The following AKAIN1 variants were observed in gnomAD, a reference collection of about 807,000 sequenced individuals.
AKAIN1 encodes the protein A-kinase anchor inhibitor 1, also known as A-kinase anchor protein inhibitor 1.
Under a neutral mutation model 3.7 loss-of-function variants are expected in AKAIN1, and 3 were observed. That is an observed-to-expected ratio of 0.82 (90% CI 0.37 to 2.12). The LOEUF (loss-of-function observed/expected upper bound fraction) is 2.12, where lower values mean the gene tolerates loss of function less well. AKAIN1 is among the 30% of genes most tolerant of loss of function. The pLI, the probability that AKAIN1 is intolerant of heterozygous loss-of-function variation, is 0.06. For synonymous variants in AKAIN1, 31 were observed against 30.8 expected (o/e 1.01, Z -0.02); for missense variants, 82 against 82.7 (o/e 0.99, Z 0.03).
In AKAIN1 at chr18:5,144,977, C is replaced by G. The variant is rs968983003; in HGVS notation, c.*585G>C. Among the ~76,000 whole-genome samples, 1 of 152,156 alleles carries G rather than the reference C, an allele frequency of 6.6e-6. No homozygotes were observed. The highest frequency in any genetic ancestry group is 1.5e-5 in the Non-Finnish European group (1 of 68,030). On this transcript the variant is annotated 3_prime_UTR_variant, in exon 2 of 2. Transcript: ENST00000434239. The stretch of plus-strand genomic sequence containing the variant: ...ACTGAGTTCTTGAGAAACTTAAACT[C>G]CTCCCTTTCTTAAAATAACATAAAT...
intron 1 of AKAIN1, among the ~76,000 whole-genome samples, chr18:5,172,668 T>C (rs532753000): frequency 2.6e-5 from 4 of 151,632 alleles, no homozygotes; most frequent in African/African-American, 9.7e-5. Context: ...AAGTTCTATA[T>C]CAGAAAATAG....
chr18:5,178,087 G>T (rs1311931505), intron 1 of AKAIN1, among the ~76,000 whole-genome samples: 1 of 152,012 alleles, frequency 6.6e-6, no homozygotes, highest in Non-Finnish European at 1.5e-5. Flanking sequence ...TGTTGCTCGG[G>T]GTGGCTGCAT....
At chr18:5,182,266 C>T (rs905460516) in intron 1 of AKAIN1, among the ~76,000 whole-genome samples, 1 of 152,098 alleles carries the variant, frequency 6.6e-6, no homozygotes, top group African/African-American at 2.4e-5. Context: ...AACTCTTTAG[C>T]TCCTAACTGA....
At chr18:5,151,263 A>C (rs1427523416) in intron 1 of AKAIN1, among the ~76,000 whole-genome samples, 1 of 152,206 alleles carries the variant, frequency 6.6e-6, no homozygotes. Context: ...GAACACAGAG[A>C]ACAAGAACTA....
intron 1 of AKAIN1, among the ~76,000 whole-genome samples, chr18:5,169,286 T>C (rs2071184427): frequency 6.6e-6 from 1 of 152,122 alleles, no homozygotes; most frequent in African/African-American, 2.4e-5. Flanking sequence ...TAAATGTTAA[T>C]TATATCTTTA....
At chr18:5,163,117 G>A (rs181394096) in intron 1 of AKAIN1, among the ~76,000 whole-genome samples, 4 of 151,970 alleles carry the variant, frequency 2.6e-5, no homozygotes, top group Non-Finnish European at 2.9e-5. Flanking sequence ...CCCACAGACC[G>A]TGAGGAAATT....
At chr18:5,186,727 A>C (rs779378512) in intron 1 of AKAIN1, among the ~76,000 whole-genome samples, 2 of 152,184 alleles carry the variant, frequency 1.3e-5, no homozygotes, top group Non-Finnish European at 2.9e-5. Flanking sequence ...CACCTGAAAG[A>C]GTAAAATATA....
intron 1 of AKAIN1, among the ~76,000 whole-genome samples, chr18:5,148,430 G>T (rs899718168): frequency 6.6e-6 from 1 of 152,196 alleles, no homozygotes; most frequent in African/African-American, 2.4e-5. Context: ...TCTTTTTAAA[G>T]AGTTGTCATA....
intron 1 of AKAIN1, among the ~76,000 whole-genome samples, chr18:5,191,115 T>C (rs554384824): frequency 1.4e-4 from 21 of 152,294 alleles, no homozygotes; most frequent in African/African-American, 4.8e-4. Context: ...TCCCCTAAGA[T>C]TGTAAACAAG....
chr18:5,185,182 T>C (rs576703404), intron 1 of AKAIN1, among the ~76,000 whole-genome samples: 1 of 152,086 alleles, frequency 6.6e-6, no homozygotes, highest in East Asian at 1.9e-4. Context: ...TTGCATTATA[T>C]AAAAAATCAA....
chr18:5,193,342 A>T (rs1163988917), intron 1 of AKAIN1, among the ~76,000 whole-genome samples: 1 of 152,202 alleles, frequency 6.6e-6, no homozygotes, highest in Admixed American at 6.5e-5. Flanking sequence ...ACTTGAAGGC[A>T]ATCCAAGCAA....
chr18:5,153,413 G>T (rs2071089853), intron 1 of AKAIN1, among the ~76,000 whole-genome samples: 1 of 149,938 alleles, frequency 6.7e-6, no homozygotes, highest in Admixed American at 6.6e-5. Context: ...TGTCAATTAA[G>T]AAAGTGTGAT....
chr18:5,185,066 A>G (rs1316456050), intron 1 of AKAIN1, among the ~76,000 whole-genome samples: 2 of 152,102 alleles, frequency 1.3e-5, no homozygotes, highest in African/African-American at 4.8e-5. Context: ...CCTGATCTTC[A>G]ACAAAGTTGA....
Position 5,145,508 on chromosome 18 carries a change from A to G in AKAIN1, c.*54T>C. The G allele has an allele frequency of 6.8e-7, 1 of 1,463,366 alleles. No homozygotes were observed. Among genetic ancestry groups the G allele is most frequent in the Non-Finnish European group, 9.3e-7 (1 of 1,075,322 alleles). 90.6% of individuals were successfully genotyped at this position (1,463,366 alleles called of 1,614,324 possible). On this transcript the variant is annotated 3_prime_UTR_variant, in exon 2 of 2. Transcript: ENST00000434239. The stretch of plus-strand genomic sequence containing the variant: ...TGGCAACATTTTGGAGATGCGTCCT[A>G]TACTAAGAGGAAGGCTAGAAACCAA...
chr18:5,178,559 A>G (rs1209002075), intron 1 of AKAIN1, among the ~76,000 whole-genome samples: 3 of 152,154 alleles, frequency 2.0e-5, no homozygotes, highest in Non-Finnish European at 4.4e-5. Flanking sequence ...TGAGATAAAA[A>G]GAAAGATGAT....
chr18:5,168,390 G>C (rs2071178490), intron 1 of AKAIN1, among the ~76,000 whole-genome samples: 2 of 152,084 alleles, frequency 1.3e-5, no homozygotes, highest in South Asian at 2.1e-4. Flanking sequence ...CTGTAAAGAA[G>C]TTGGATGTTA....
rs1017794097 is a variant in AKAIN1 at position 5,187,656 on chromosome 18, C to T, written c.16+9382G>A. On this transcript the variant is annotated intron_variant, in intron 1 of 1. Coordinates refer to ENST00000434239, the MANE Select transcript of AKAIN1 (RefSeq NM_001145194.2). Reference sequence around the variant, plus strand: ...CACAACTTAATTACCTGTTAAAGGTCCCCCCTCTTAATGTGGTTGTTACAA... The same window carrying T: ...CACAACTTAATTACCTGTTAAAGGTTCCCCCTCTTAATGTGGTTGTTACAA... 2.2e-4 allele frequency among the ~76,000 whole-genome samples: 33 copies of T among 152,126 alleles called. 1 individual carries two copies. Among genetic ancestry groups the T allele is most frequent in the Non-Finnish European group, 4.4e-4 (30 of 67,990 alleles).
In AKAIN1 at chr18:5,145,698, A is replaced by G; in HGVS notation, c.74T>C (p.Ile25Thr). Residue 25 changes from isoleucine to threonine, a missense_variant, in exon 2 of 2, where the codon ATT becomes ACT. Transcript: ENST00000434239. The stretch of plus-strand genomic sequence containing the variant: ...AGCTTGCAGGATTGCATTCTGCACA[A>G]TCTGTTTGCTGGCATTCTGCAGCTT... ...EVKLQNASKQ[I>T]VQNAILQAVQ... 1 of 1,551,578 alleles carries G rather than the reference A, an allele frequency of 6.4e-7. No homozygotes were observed. Among genetic ancestry groups the G allele is most frequent in the Non-Finnish European group, 8.7e-7 (1 of 1,146,900 alleles).
chr18:5,155,187 C>G (rs1007501281), intron 1 of AKAIN1, among the ~76,000 whole-genome samples: 1 of 152,112 alleles, frequency 6.6e-6, no homozygotes, highest in Admixed American at 6.5e-5. Flanking sequence ...CACGGGCCAG[C>G]CTTCCTTTGG....
Sources: gnomAD v4.1 joint callset for allele counts (sites outside exome capture counted in the v4.1 genomes callset) on GRCh38, gnomAD v4.1.1 for gene constraint, MANE v1.5 for transcripts, NCBI Gene and HGNC (gene_info 2026-07-23, HGNC 2026-07-21) for gene names.